The following USP13 variants were observed in gnomAD, a reference collection of about 807,000 sequenced individuals.
USP13 encodes ubiquitin carboxyl-terminal hydrolase 13.
In USP13, 68 loss-of-function variants were observed where a neutral mutation model predicts 107.8. The ratio of observed to expected loss-of-function variants is 0.63; its 90% CI spans 0.52 to 0.77. The LOEUF (loss-of-function observed/expected upper bound fraction) is 0.77. Among genes scored for constraint, USP13 ranks in the 30% least tolerant of loss-of-function variants. The pLI, the probability that USP13 is intolerant of heterozygous loss-of-function variation, is 0.00. For synonymous variants in USP13, 377 were observed against 389.5 expected (o/e 0.97, Z 0.38); for missense variants, 945 against 1,093.3 (o/e 0.86, Z 1.91).
At position 179,781,778 on chromosome 3, in the gene USP13, C is replaced by A. The variant is rs1560086261; in HGVS notation, c.2453C>A (p.Ser818Tyr). 6.2e-7 allele frequency: 1 copy of A among 1,613,818 alleles called. No homozygotes were observed. Among genetic ancestry groups the A allele is most frequent in the Non-Finnish European group, 8.5e-7 (1 of 1,179,928 alleles). The change falls in exon 20 of 21, where the codon TCC (serine) becomes TAC (tyrosine). Residue 818 changes from serine to tyrosine, a missense_variant. By Grantham distance (144) the Ser-to-Tyr change is moderately radical (BLOSUM62 -2). Coordinates refer to ENST00000263966, the MANE Select transcript of USP13 (RefSeq NM_003940.3). ...LFAFISHMGT[S>Y]TMSGHYICHI... ...GCATTCATCAGTCACATGGGAACAT[C>A]CACAATGAGTGGTCATTACATTTGC...
At chr3:179,747,386 T>A (rs1432710749) in intron 13 of USP13, among the ~76,000 whole-genome samples, 2 of 152,128 alleles carry the variant, frequency 1.3e-5, no homozygotes, top group Non-Finnish European at 2.9e-5. Flanking sequence ...AGGTGGAAGG[T>A]GATTGTGGGG....
chr3:179,675,835 A>G (rs1576917185), intron 1 of USP13, among the ~76,000 whole-genome samples: 3 of 152,170 alleles, frequency 2.0e-5, no homozygotes, highest in Admixed American at 1.3e-4. Flanking sequence ...GGCTTGAGCC[A>G]CTGTGCCCAG....
rs1712823322 is a variant in USP13, at chr3:179,708,914, C to T, written c.762C>T (p.Tyr254=). The T allele has an allele frequency of 6.2e-7, 1 of 1,614,106 alleles. No homozygotes were observed. The highest frequency in any genetic ancestry group is 8.5e-7 in the Non-Finnish European group (1 of 1,180,024). ...TGGAGCATTACAGAGACATGGGCTACCCACTAGCCGTGAAACTGGGAACCA... is the reference window on the plus strand; with the variant it reads ...TGGAGCATTACAGAGACATGGGCTATCCACTAGCCGTGAAACTGGGAACCA... ...HALEHYRDMG[Y]PLAVKLGTIT... is the part of the protein sequence containing the mutation. The change falls in exon 6 of 21, where the codon TAC becomes TAT. Residue 254 remains tyrosine, a synonymous_variant. Coordinates refer to ENST00000263966, the MANE Select transcript of USP13 (RefSeq NM_003940.3).
Position 179,682,004 on chromosome 3 carries a change from G to A in USP13, c.294+1G>A. 1.9e-6 allele frequency: 3 copies of A among 1,612,028 alleles called. No homozygotes were observed. The highest frequency in any genetic ancestry group is 2.5e-6 in the Non-Finnish European group (3 of 1,178,818). On this transcript the variant is annotated splice_donor_variant, in intron 2 of 20. Transcript: ENST00000263966. LOFTEE classifies it high-confidence loss of function. ...GCACCTGAAAAGACATGTGCGAGAG[G>A]TGAGAGCGGCACTTTCAGAGAACTG...
chr3:179,738,090 T>C (rs1385463892), intron 10 of USP13, among the ~76,000 whole-genome samples: 2 of 152,204 alleles, frequency 1.3e-5, no homozygotes, highest in African/African-American at 4.8e-5. Flanking sequence ...CCCCAGACTA[T>C]AGGCATGGAC....
intron 1 of USP13, among the ~76,000 whole-genome samples, chr3:179,680,823 G>GCTCTATTGTC (rs1297046836): frequency 1.7e-3 from 171 of 99,832 alleles, no homozygotes; most frequent in East Asian, 2.9e-3. Flanking sequence ...TTACAGGCAT[G>GCTCTATTGTC]AGTCACCGTG....
intron 15 of USP13, 102 bp downstream of exon 15, chr3:179,754,956 T>G: frequency 1.4e-6 from 2 of 1,418,266 alleles, no homozygotes; most frequent in Non-Finnish European, 1.9e-6. Context: ...CCACCACCCA[T>G]TGGTGGTCTA....
intron 2 of USP13, among the ~76,000 whole-genome samples, chr3:179,688,087 A>ATCCATCCG (rs1302442037): frequency 1.2e-3 from 135 of 114,920 alleles, no homozygotes; most frequent in African/African-American, 1.8e-3. Context: ...ATATCCATCC[A>ATCCATCCG]TCCATCCATC....
At chr3:179,685,630 C>CT (rs1295485001) in intron 2 of USP13, among the ~76,000 whole-genome samples, 1 of 135,142 alleles carries the variant, frequency 7.4e-6, no homozygotes, top group Non-Finnish European at 1.6e-5. Flanking sequence ...TTTTAGAAAA[C>CT]TAAAAAAAAA....
At chr3:179,733,302 C>A (rs897979572) in intron 10 of USP13, among the ~76,000 whole-genome samples, 1 of 152,156 alleles carries the variant, frequency 6.6e-6, no homozygotes, top group African/African-American at 2.4e-5. Flanking sequence ...GGAGACAAGT[C>A]GGTCTTTGGT....
intron 6 of USP13, among the ~76,000 whole-genome samples, chr3:179,713,323 T>C (rs1712994331): frequency 6.6e-6 from 1 of 152,160 alleles, no homozygotes; most frequent in Non-Finnish European, 1.5e-5. Flanking sequence ...GTATTTTCTG[T>C]CTAATTGTAA....
chr3:179,715,401 C>G (rs9859559), intron 6 of USP13, among the ~76,000 whole-genome samples: 103,933 of 145,542 alleles, frequency 0.71, 37,291 homozygotes, highest in Admixed American at 0.77. Context: ...GTCTCACTTT[C>G]TGGCCCAGGC....
chr3:179,698,780 TG>T (rs1478195520), intron 3 of USP13, among the ~76,000 whole-genome samples: 1 of 152,226 alleles, frequency 6.6e-6, no homozygotes, highest in East Asian at 1.9e-4. Context: ...ATGAATTTTG[TG>T]TTTTTAGCAT....
chr3:179,667,982 A>G (rs1199143412), intron 1 of USP13, among the ~76,000 whole-genome samples: 2 of 152,120 alleles, frequency 1.3e-5, no homozygotes, highest in African/African-American at 4.8e-5. Flanking sequence ...AAGTTAATAA[A>G]TGATGCCTCA....
rs1472886528 is a variant in USP13 at position 179,742,707 on chromosome 3, G to A, written c.1534+357G>A. On this transcript the variant is annotated intron_variant, in intron 12 of 20. Coordinates refer to ENST00000263966, the MANE Select transcript of USP13 (RefSeq NM_003940.3). The surrounding 1 kb of genome is among the most constrained non-coding windows in gnomAD (Gnocchi z 5.0). ...TATAAGTTGTGCTATAAAGTCTGAGGGAAATGATCAGGACTGCATTTTTTA... is the reference window on the plus strand; with the variant it reads ...TATAAGTTGTGCTATAAAGTCTGAGAGAAATGATCAGGACTGCATTTTTTA... Among the ~76,000 whole-genome samples the A allele has an allele frequency of 1.3e-5, 2 of 152,172 alleles. No individual in the cohort carries two copies. The highest frequency in any genetic ancestry group is 2.4e-5 in the African/African-American group (1 of 41,444).
In USP13 at chr3:179,730,634, C is replaced by T. The variant is rs952415373; in HGVS notation, c.1179C>T (p.Gly393=). 1.9e-6 allele frequency: 3 copies of T among 1,613,314 alleles called. No homozygotes were observed. The highest frequency in any genetic ancestry group is 2.5e-6 in the Non-Finnish European group (3 of 1,179,272). The change falls in exon 10 of 21, where the codon GGC becomes GGT. Residue 393 remains glycine (G), a synonymous_variant. Transcript: ENST00000263966. ...FNTQMTKLGH[G]LLSGQYSKPP... is the part of the protein sequence containing the mutation. ...TGGCCAGGACTAAGTTAGGACATGGCCTTCTCTCAGGCCAGTATTCAAAGC... is the reference window on the plus strand; with the variant it reads ...TGGCCAGGACTAAGTTAGGACATGGTCTTCTCTCAGGCCAGTATTCAAAGC...
rs144964913 is a variant in USP13, at chr3:179,658,366, C to T, written c.168+4973C>T. The stretch of plus-strand genomic sequence containing the variant: ...TCCTTTCCTCTGAATGCCTGCATTA[C>T]GTAGAGTCTGTGTCATGCCGCACAG... On this transcript the variant is annotated intron_variant, in intron 1 of 20. Transcript: ENST00000263966. 2.0e-4 allele frequency among the ~76,000 whole-genome samples: 30 copies of T among 152,316 alleles called. No homozygotes were observed. In the South Asian group the frequency reaches 4.1e-3, roughly 21 times the overall value.
At chr3:179,713,920 C>T (rs973849245) in intron 6 of USP13, among the ~76,000 whole-genome samples, 2 of 152,116 alleles carry the variant, frequency 1.3e-5, no homozygotes, top group Non-Finnish European at 2.9e-5. Context: ...AGCCCTGGTC[C>T]CTCAGTCCAG....
At chr3:179,679,927 C>T (rs1711589529) in intron 1 of USP13, among the ~76,000 whole-genome samples, 1 of 150,738 alleles carries the variant, frequency 6.6e-6, no homozygotes, top group African/African-American at 2.4e-5. Flanking sequence ...GTAATCCCAA[C>T]ACTTTAGGAG....
Sources: allele counts gnomAD v4.1 joint callset (sites outside exome capture counted in the v4.1 genomes callset), GRCh38; gene constraint gnomAD v4.1.1; non-coding constraint Gnocchi (gnomAD v3.1); transcripts MANE v1.5; gene names NCBI Gene and HGNC (gene_info 2026-07-23, HGNC 2026-07-21).